The following PDE7B variants were observed in gnomAD, a reference collection of about 807,000 sequenced individuals.
PDE7B encodes the protein 3',5'-cyclic-AMP phosphodiesterase 7B.
PDE7B carries 29 observed loss-of-function variants against 56.2 expected under a neutral mutation model. That is an observed-to-expected ratio of 0.52 (90% CI 0.38 to 0.70). The LOEUF is 0.70. Among genes scored for constraint, PDE7B ranks in the 30% least tolerant of loss-of-function variants. The pLI is 0.00. For missense variants in PDE7B, 490 were observed against 565.0 expected (o/e 0.87, Z 1.35); for synonymous variants, 197 against 196.9 (o/e 1.00, Z 0.00).
chr6:135,911,244 T>C (rs1416080349), intron 1 of PDE7B, among the ~76,000 whole-genome samples: 1 of 152,194 alleles, frequency 6.6e-6, no homozygotes, highest in South Asian at 2.1e-4. Context: ...AGGTGATCCA[T>C]TAAATCTCCA....
chr6:135,976,587 T>TA (rs1325194363), intron 2 of PDE7B, among the ~76,000 whole-genome samples: 1 of 152,084 alleles, frequency 6.6e-6, no homozygotes, highest in African/African-American at 2.4e-5. Flanking sequence ...AATGATTCCA[T>TA]AAACTACATC....
At chr6:135,966,099 A>G (rs1396946026) in intron 2 of PDE7B, among the ~76,000 whole-genome samples, 1 of 152,192 alleles carries the variant, frequency 6.6e-6, no homozygotes, top group Non-Finnish European at 1.5e-5. Context: ...GATAAGTAAT[A>G]TGGTAATTAA....
At chr6:136,003,114 C>T (rs1278030912) in intron 2 of PDE7B, among the ~76,000 whole-genome samples, 5 of 152,090 alleles carry the variant, frequency 3.3e-5, no homozygotes, top group African/African-American at 4.8e-5. Flanking sequence ...GGGTACATAA[C>T]GAAATGAAGG....
chr6:136,155,661 T>G lies in PDE7B; in HGVS notation c.614T>G (p.Leu205Arg). ...TTCCTCACGCCTCTGGACATCATGC[T>G]TGGACTGCTGGCTGCAGCAGCACAC... ...ASFLTPLDIM[L>R]GLLAAAAHDV... Residue 205 changes from leucine (L) to arginine (R), a missense_variant, in exon 8 of 13, where the codon CTT becomes CGT. Transcript: ENST00000308191. 1.2e-6 allele frequency: 2 copies of G among 1,613,910 alleles called. No individual in the cohort carries two copies. Among genetic ancestry groups the G allele is most frequent in the Non-Finnish European group, 1.7e-6 (2 of 1,179,824 alleles).
intron 2 of PDE7B, chr6:136,049,029 C>T (rs1776573045): frequency 6.6e-6 from 1 of 152,198 alleles, no homozygotes; most frequent in African/African-American, 2.4e-5. Context: ...CAGGTTGTCG[C>T]CATAGTCTCA....
At chr6:136,137,928 G>T (rs369367282) in intron 3 of PDE7B, among the ~76,000 whole-genome samples, 1 of 152,020 alleles carries the variant, frequency 6.6e-6, no homozygotes, top group Non-Finnish European at 1.5e-5. Context: ...AAAAGAAAAT[G>T]AATTTCACAG....
intron 1 of PDE7B, among the ~76,000 whole-genome samples, chr6:135,913,133 T>C (rs911452392): frequency 2.0e-5 from 3 of 152,228 alleles, no homozygotes; most frequent in Admixed American, 6.5e-5. Context: ...CACATAATTA[T>C]CTTTTTAATC....
At chr6:135,939,983 T>TCATTAAG (rs1418738574) in intron 1 of PDE7B, among the ~76,000 whole-genome samples, 1 of 152,154 alleles carries the variant, frequency 6.6e-6, no homozygotes, top group Non-Finnish European at 1.5e-5. Flanking sequence ...CTAGAGTAAT[T>TCATTAAG]CATTAAGCAT....
At chr6:136,068,347 T>C (rs535348926) in intron 2 of PDE7B, among the ~76,000 whole-genome samples, 1 of 151,966 alleles carries the variant, frequency 6.6e-6, no homozygotes, top group South Asian at 2.1e-4. Context: ...AGGCAATTGG[T>C]TGAAAAATCT....
At chr6:135,989,074 GAT>G (rs1775429795) in intron 2 of PDE7B, among the ~76,000 whole-genome samples, 1 of 152,016 alleles carries the variant, frequency 6.6e-6, no homozygotes, top group East Asian at 1.9e-4. Context: ...TCCTAACAAT[GAT>G]ATGTGTTTCA....
chr6:136,075,500 C>G (rs1777114399), intron 2 of PDE7B, among the ~76,000 whole-genome samples: 1 of 152,178 alleles, frequency 6.6e-6, no homozygotes, highest in Non-Finnish European at 1.5e-5. Flanking sequence ...ACACTTGATA[C>G]CAAGGATCCT....
rs113513743 is a variant in PDE7B, at chr6:136,155,572, A to G, written c.580-55A>G. Reference sequence around the variant, plus strand: ...TGTGTTTGATTTAGCCAAAATGATTATGAGCCTATTTGTGAAAATACACCA... The same window carrying G: ...TGTGTTTGATTTAGCCAAAATGATTGTGAGCCTATTTGTGAAAATACACCA... On this transcript the variant is annotated intron_variant, in intron 7 of 12. Transcript: ENST00000308191. 1.5e-4 allele frequency: 225 copies of G among 1,498,952 alleles called. 4 individuals carry two copies. In the African/African-American group the frequency reaches 2.1e-3, roughly 14 times the overall value. 92.9% of individuals were successfully genotyped at this position (1,498,952 alleles called of 1,614,324 possible). A position where few individuals can be genotyped will look rare whatever the true frequency, so the allele number is the denominator to read the frequency against.
At chr6:136,073,155 C>T (rs1777076808) in intron 2 of PDE7B, among the ~76,000 whole-genome samples, 1 of 152,064 alleles carries the variant, frequency 6.6e-6, no homozygotes, top group Non-Finnish European at 1.5e-5. Flanking sequence ...GTTCATATCA[C>T]ACAACTAGGG....
intron 2 of PDE7B, among the ~76,000 whole-genome samples, chr6:135,994,615 A>G (rs762387980): frequency 1.3e-5 from 2 of 152,212 alleles, no homozygotes; most frequent in African/African-American, 2.4e-5. Flanking sequence ...CGATTGGAAG[A>G]GACTTTTTAA....
chr6:136,051,758 T>C (rs1294829914), intron 2 of PDE7B, among the ~76,000 whole-genome samples: 4 of 152,254 alleles, frequency 2.6e-5, no homozygotes, highest in Admixed American at 6.5e-5. Flanking sequence ...AAAGATTTCT[T>C]ACCATATCCA....
chr6:135,935,454 A>C (rs9389345), intron 1 of PDE7B, among the ~76,000 whole-genome samples: 41,867 of 150,992 alleles, frequency 0.28, 7,185 homozygotes, highest in Admixed American at 0.45. Context: ...AAGGATTTTC[A>C]TCTCACGGAT....
At chr6:136,078,807 A>G (rs1440942438) in intron 2 of PDE7B, among the ~76,000 whole-genome samples, 1 of 152,176 alleles carries the variant, frequency 6.6e-6, no homozygotes, top group Non-Finnish European at 1.5e-5. Context: ...ATACACTCAT[A>G]AAATAGCCTT....
At chr6:135,878,752 A>G (rs1216863637) in intron 1 of PDE7B, among the ~76,000 whole-genome samples, 2 of 152,216 alleles carry the variant, frequency 1.3e-5, no homozygotes, top group Non-Finnish European at 2.9e-5. Flanking sequence ...CCAAAAATCT[A>G]TAAACATCAG....
At chr6:136,144,903 A>T (rs1600620) in intron 3 of PDE7B, among the ~76,000 whole-genome samples, 70,756 of 151,944 alleles carry the variant, frequency 0.47, 17,140 homozygotes, top group African/African-American at 0.62. Context: ...GGCATTAACT[A>T]GGGTTACTTA....
Sources: gnomAD v4.1 joint callset for allele counts (sites outside exome capture counted in the v4.1 genomes callset) on GRCh38, gnomAD v4.1.1 for gene constraint, MANE v1.5 for transcripts, NCBI Gene and HGNC (gene_info 2026-07-23, HGNC 2026-07-21) for gene names.